The following SERPINA7 variants were observed in gnomAD, a reference collection of about 807,000 sequenced individuals.
SERPINA7 encodes serpin family A member 7, also known as thyroxine-binding globulin.
In SERPINA7, 14 loss-of-function variants were observed where a neutral mutation model predicts 16.0. That is an observed-to-expected ratio of 0.88 (90% confidence interval 0.58 to 1.37). SERPINA7 has a LOEUF of 1.37. SERPINA7 is among the 40% of genes most tolerant of loss of function. The pLI is 0.00. For missense variants in SERPINA7, 335 were observed against 296.6 expected, an observed-to-expected ratio of 1.13 and a Z score of -0.95; for synonymous variants, 140 against 111.0, an observed-to-expected ratio of 1.26 and a Z score of -1.65.
Position 106,036,832 on chromosome X carries a change from G to A in SERPINA7, c.227C>T (p.Ala76Val), listed in dbSNP as rs867942950. The A allele has an allele frequency of 1.7e-6, 2 of 1,209,242 alleles. No individual in the cohort carries two copies. The highest frequency in any genetic ancestry group is 3.5e-5 in the African/African-American group (2 of 56,987). ...GGCCCCAAAGGAAAGCATAACCAAA[G>A]CTGCAGAAATGCTCACAGGGGAAAA... ...IFFSPVSISA[A>V]LVMLSFGACC... Residue 76 changes from alanine to valine, a missense_variant, in exon 2 of 5, where the codon GCT becomes GTT. Coordinates refer to ENST00000372563, the MANE Select transcript of SERPINA7 (RefSeq NM_000354.6).
chrX:106,034,230 C>T lies in SERPINA7; in HGVS notation c.1044+5G>A, dbSNP rs587776722. The stretch of plus-strand genomic sequence containing the variant: ...ACATTTAAGAACTCTAGTTTATCAA[C>T]TTACATTGGAAAGTTTCAGACCATT... On this transcript the variant is annotated splice_donor_5th_base_variant and intron_variant, in intron 4 of 4. Coordinates refer to ENST00000372563, the MANE Select transcript of SERPINA7 (RefSeq NM_000354.6). 1 of 1,209,187 alleles carries T rather than the reference C, an allele frequency of 8.3e-7. No individual in the cohort carries two copies. The highest frequency in any genetic ancestry group is 1.1e-6 in the Non-Finnish European group (1 of 893,344).
At chrX:106,035,772 G>A (rs1490535841) in intron 2 of SERPINA7, among the ~76,000 whole-genome samples, 1 of 112,218 alleles carries the variant, frequency 8.9e-6, no homozygotes, top group East Asian at 2.8e-4. Context: ...GTTTGTGGCC[G>A]ACAATTGATT....
chrX:106,033,126 G>T lies in SERPINA7; in HGVS notation c.*374C>A. 4.1e-6 allele frequency: 1 copy of T among 243,471 alleles called. No individual in the cohort carries two copies. 20.1% of individuals were successfully genotyped at this position (243,471 alleles called of 1,213,427 possible). A position where few individuals can be genotyped will look rare whatever the true frequency, so the allele number is the denominator to read the frequency against. On this transcript the variant is annotated 3_prime_UTR_variant, in exon 5 of 5. Transcript: ENST00000372563. ...GCATCTGCATTGTTTTATGTCCATT[G>T]ATCTTATTGGAGTACTGGGATACGA...
In SERPINA7 at chrX:106,036,921, A is replaced by G; in HGVS notation, c.138T>C (p.Asn46=). 8.3e-7 allele frequency: 1 copy of G among 1,211,486 alleles called. No individual in the cohort carries two copies. The highest frequency in any genetic ancestry group is 1.1e-6 in the Non-Finnish European group (1 of 895,281). Residue 46 remains asparagine (N), a synonymous_variant, in exon 2 of 5, where the codon AAT becomes AAC. Coordinates refer to ENST00000372563, the MANE Select transcript of SERPINA7 (RefSeq NM_000354.6). ...NATLYKMSSI[N]ADFAFNLYRR... ...GGTACAGATTGAATGCAAAGTCAGC[A>G]TTAATGGATGACATCTTGTAGAGAG...
Position 106,036,310 on chromosome X carries a change from A to G in SERPINA7, c.622+127T>C, listed in dbSNP as rs1245221270. On this transcript the variant is annotated intron_variant, in intron 2 of 4. Transcript: ENST00000372563. ...TCCAATACTATTCACAGCTATGTCC[A>G]GTGGAGCAGATCACTGTGGTATGAG... 4 of 703,643 alleles carry G rather than the reference A, an allele frequency of 5.7e-6. 1 individual carries two copies. Among genetic ancestry groups the G allele is most frequent in the Non-Finnish European group, 8.9e-6 (4 of 450,744 alleles). The allele number at this position is 703,643 out of a possible 1,213,427, so 58.0% of individuals were successfully genotyped here. A position where few individuals can be genotyped will look rare whatever the true frequency, so the allele number is the denominator to read the frequency against.
At position 106,036,459 on chromosome X, in the gene SERPINA7, T is replaced by C. The variant is rs1164525194; in HGVS notation, c.600A>G (p.Leu200=). ...QDLKPNTIMV[L]VNYIHFKAQW... ...TACCTTTAAAGTGAATATAGTTCAC[T>C]AAGACCATGATGGTGTTTGGCTTGA... Residue 200 remains leucine, a synonymous_variant, in exon 2 of 5, where the codon TTA becomes TTG. Transcript: ENST00000372563. The C allele has an allele frequency of 1.7e-6, 2 of 1,209,469 alleles. No individual in the cohort carries two copies. The highest frequency in any genetic ancestry group is 3.0e-5 in the East Asian group (1 of 33,724).
intron 4 of SERPINA7, 145 bp downstream of exon 4, chrX:106,034,090 A>G (rs998440921): frequency 3.5e-6 from 2 of 578,835 alleles, no homozygotes; most frequent in African/African-American, 4.5e-5. Flanking sequence ...AATGGGAATG[A>G]CTCTGGAGTG....
At position 106,033,512 on chromosome X, in the gene SERPINA7, T is replaced by A. The variant is rs1285325942; in HGVS notation, c.1236A>T (p.Pro412=). 8.3e-7 allele frequency: 1 copy of A among 1,209,624 alleles called. No individual in the cohort carries two copies. Among genetic ancestry groups the A allele is most frequent in the African/African-American group, 1.7e-5 (1 of 57,153 alleles). Residue 412 remains proline (P), a synonymous_variant, in exon 5 of 5, where the codon CCA becomes CCT. Coordinates refer to ENST00000372563, the MANE Select transcript of SERPINA7 (RefSeq NM_000354.6). ...GCCTTTTTCCCAACTACGCTTCCGT[T>A]GGGTTCACAACTTTCCCTAGAAAGA... The part of the protein sequence containing the change: ...SILFLGKVVN[P]TEA
rs1335080190 is a variant in SERPINA7 at position 106,036,979 on chromosome X, A to T, written c.80T>A (p.Val27Glu). The T allele has an allele frequency of 8.3e-7, 1 of 1,208,591 alleles. No individual in the cohort carries two copies. The highest frequency in any genetic ancestry group is 1.1e-6 in the Non-Finnish European group (1 of 894,279). The part of the protein sequence containing the change: ...TIHCASPEGK[V>E]TACHSSQPNA... ...TGGTTGGGATGAATGGCAGGCTGTT[A>T]CTTTGCCTTCAGGTGATGCACAGTG... The change falls in exon 2 of 5, where the codon GTA (valine) becomes GAA (glutamate). Residue 27 changes from valine to glutamate, a missense_variant. Val to Glu is a moderately radical substitution (Grantham distance 121, BLOSUM62 -2). Coordinates refer to ENST00000372563, the MANE Select transcript of SERPINA7 (RefSeq NM_000354.6).
At chrX:106,033,728 G>T (rs754097471) in intron 4 of SERPINA7, 25 bp from the exon 5 acceptor site, 15 of 1,210,717 alleles carry the variant, frequency 1.2e-5, no homozygotes, top group Non-Finnish European at 1.6e-5. Context: ...CAAATCCTGC[G>T]GGTCTCTGAA....
chrX:106,034,221 G>C lies in SERPINA7; in HGVS notation c.1044+14C>G, dbSNP rs776313987. The C allele has an allele frequency of 2.5e-6, 3 of 1,206,918 alleles. No individual in the cohort carries two copies. The highest frequency in any genetic ancestry group is 5.9e-5 in the East Asian group (2 of 33,739). Reference sequence around the variant, plus strand: ...CCAGTTCATACATTTAAGAACTCTAGTTTATCAACTTACATTGGAAAGTTT... The same window carrying C: ...CCAGTTCATACATTTAAGAACTCTACTTTATCAACTTACATTGGAAAGTTT... On this transcript the variant is annotated intron_variant, in intron 4 of 4. Coordinates refer to ENST00000372563, the MANE Select transcript of SERPINA7 (RefSeq NM_000354.6).
chrX:106,032,502 T>C lies in SERPINA7; in HGVS notation c.*998A>G, dbSNP rs1426070166. ...ACATCTGCAACAGTACTTATGCATT[T>C]TTTTTACTATTTTCCTGTCACTGAA... On this transcript the variant is annotated 3_prime_UTR_variant, in exon 5 of 5. Transcript: ENST00000372563. The C allele has an allele frequency of 8.9e-6, 1 of 112,334 alleles. No homozygotes were observed. Among genetic ancestry groups the C allele is most frequent in the Non-Finnish European group, 1.9e-5 (1 of 53,243 alleles). 9.3% of individuals were successfully genotyped at this position (112,334 alleles called of 1,213,427 possible).
At position 106,033,834 on chromosome X, in the gene SERPINA7, A is replaced by G; in HGVS notation, c.1045-131T>C. ...TATACTATGTTGATGGTGCTAGAATATGAAGTTTCCTCTGCTAAATGTAGT... is the reference window on the plus strand; with the variant it reads ...TATACTATGTTGATGGTGCTAGAATGTGAAGTTTCCTCTGCTAAATGTAGT... On this transcript the variant is annotated intron_variant, in intron 4 of 4. Transcript: ENST00000372563. The G allele has an allele frequency of 2.7e-6, 3 of 1,111,563 alleles. No homozygotes were observed. The South Asian group carries it at 6.0e-5, about 22-fold the overall frequency. The allele number at this position is 1,111,563 out of a possible 1,213,427, so 91.6% of individuals were successfully genotyped here.
chrX:106,037,411 G>A (rs2041460367), intron 1 of SERPINA7: 2 of 211,262 alleles, frequency 9.5e-6, no homozygotes, highest in Non-Finnish European at 1.7e-5. Flanking sequence ...GCAGCCTTTT[G>A]GAGAGAGGGG....
intron 2 of SERPINA7, 26 bp from the exon 3 acceptor site, chrX:106,035,411 G>A: frequency 8.4e-7 from 1 of 1,196,992 alleles, no homozygotes; most frequent in Non-Finnish European, 1.1e-6. Context: ...AAAGAGAGGT[G>A]TTTATTTTAA....
At position 106,037,164 on chromosome X, in the gene SERPINA7, T is replaced by A. The variant is rs2041458607; in HGVS notation, c.-17-89A>T. On this transcript the variant is annotated intron_variant, in intron 1 of 4. Coordinates refer to ENST00000372563, the MANE Select transcript of SERPINA7 (RefSeq NM_000354.6). ...AGAGACACATAATAACCACCCACAT[T>A]GATTAATAAAACAATAGTAAATATT... 3 of 705,151 alleles carry A rather than the reference T, an allele frequency of 4.3e-6. No homozygotes were observed. In the South Asian group the frequency reaches 7.2e-5, roughly 17 times the overall value. 58.1% of individuals were successfully genotyped at this position (705,151 alleles called of 1,213,427 possible).
intron 1 of SERPINA7, 170 bp from the exon 2 acceptor site, chrX:106,037,245 G>T: frequency 2.2e-6 from 1 of 454,372 alleles, no homozygotes; most frequent in East Asian, 3.7e-5. Context: ...AAAAACAGGA[G>T]ATGCATCTAA....
At chrX:106,036,332 T>G in intron 2 of SERPINA7, 105 bp downstream of exon 2, 8 of 851,883 alleles carry the variant, frequency 9.4e-6, no homozygotes, top group Non-Finnish European at 1.4e-5. Flanking sequence ...CACTGTGGTA[T>G]GAGGGACACC....
chrX:106,038,159 A>G (rs893701759), intron 1 of SERPINA7, among the ~76,000 whole-genome samples: 1 of 110,755 alleles, frequency 9.0e-6, no homozygotes, highest in African/African-American at 3.3e-5. Flanking sequence ...GAAAATCTCA[A>G]AGTTGCCAGA....
Sources: allele counts gnomAD v4.1 joint callset (sites outside exome capture counted in the v4.1 genomes callset), GRCh38; gene constraint gnomAD v4.1.1; transcripts MANE v1.5; gene names NCBI Gene and HGNC (gene_info 2026-07-23, HGNC 2026-07-21).